Variants in TOX3 observed in about 807,000 individuals in gnomAD.
TOX3 encodes TOX high mobility group box family member 3.
A neutral mutation model predicts 64.3 loss-of-function variants in TOX3; 22 were observed. That is an observed-to-expected ratio of 0.34 (90% CI 0.24 to 0.49). The LOEUF is 0.49. TOX3 is among the 20% of genes least tolerant of loss of function. The pLI is 0.99. For missense variants in TOX3, 661 were observed against 714.4 expected (o/e 0.93, Z 0.85); for synonymous variants, 291 against 273.6 (o/e 1.06, Z -0.63).
At position 52,471,749 on chromosome 16, in the gene TOX3, A is replaced by T. The variant is rs146967197; in HGVS notation, c.88-3175T>A. Among the ~76,000 whole-genome samples the T allele has an allele frequency of 4.6e-3, 701 of 152,252 alleles. 7 individuals carry two copies. Among genetic ancestry groups the T allele is most frequent in the African/African-American group, 0.016 (660 of 41,530 alleles). On this transcript the variant is annotated intron_variant, in intron 1 of 6. Coordinates refer to ENST00000219746, the MANE Select transcript of TOX3 (RefSeq NM_001080430.4). Reference sequence around the variant, plus strand: ...AGGAATAAGTATTTAGCCCAGTGACACCCTCTACATACTTTATTTCATTTA... The same window carrying T: ...AGGAATAAGTATTTAGCCCAGTGACTCCCTCTACATACTTTATTTCATTTA...
intron 1 of TOX3, among the ~76,000 whole-genome samples, chr16:52,472,329 G>A (rs537661171): frequency 6.6e-6 from 1 of 152,308 alleles, no homozygotes; most frequent in African/African-American, 2.4e-5. Context: ...ACAACATGCT[G>A]TGGATCACTT....
At chr16:52,511,980 G>C (rs906107791) in intron 1 of TOX3, among the ~76,000 whole-genome samples, 9 of 152,204 alleles carry the variant, frequency 5.9e-5, no homozygotes, top group African/African-American at 2.2e-4. Flanking sequence ...CTTGGAATCA[G>C]AAATTCCACG....
intron 1 of TOX3, among the ~76,000 whole-genome samples, chr16:52,522,580 T>C (rs1381015449): frequency 2.6e-5 from 4 of 152,294 alleles, no homozygotes; most frequent in Non-Finnish European, 2.9e-5. Flanking sequence ...AGCCCTGTCC[T>C]TCTGCAAACT....
rs932877445 is a variant in TOX3, at chr16:52,487,563, T to C, written c.88-18989A>G. Among the ~76,000 whole-genome samples, 23 of 152,162 alleles carry C rather than the reference T, an allele frequency of 1.5e-4. No individual in the cohort carries two copies. In the East Asian group the frequency reaches 1.5e-3, roughly 10 times the overall value. On this transcript the variant is annotated intron_variant, in intron 1 of 6. Transcript: ENST00000219746. The stretch of plus-strand genomic sequence containing the variant: ...CACGTCATTTAAGTAGGGGAAAGTA[T>C]CTGAATGTGTTCATAAGAAAGTGAC...
intron 3 of TOX3, among the ~76,000 whole-genome samples, chr16:52,451,568 C>T (rs1662592786): frequency 6.6e-6 from 1 of 152,142 alleles, no homozygotes; most frequent in African/African-American, 2.4e-5. Context: ...TCTCTTGACT[C>T]ACAGTGACCC....
intron 1 of TOX3, among the ~76,000 whole-genome samples, chr16:52,520,020 G>A (rs932809356): frequency 7.9e-5 from 12 of 151,262 alleles, no homozygotes; most frequent in African/African-American, 2.9e-4. Flanking sequence ...AGAAATAGTA[G>A]TAGATGAGCT....
rs1389973669 is a variant in TOX3 at position 52,546,949 on chromosome 16, G to C, written c.-226C>G. Reference sequence around the variant, plus strand: ...CGGGAGAGCGGGAGGCGGCCGGGGGGACGCGCCCCGCCGGGGCACCGAGGC... The same window carrying C: ...CGGGAGAGCGGGAGGCGGCCGGGGGCACGCGCCCCGCCGGGGCACCGAGGC... On this transcript the variant is annotated 5_prime_UTR_variant, in exon 1 of 7. Transcript: ENST00000219746. 1 of 988,584 alleles carries C rather than the reference G, an allele frequency of 1.0e-6. No homozygotes were observed. Among genetic ancestry groups the C allele is most frequent in the African/African-American group, 1.8e-5 (1 of 56,580 alleles). 61.2% of individuals were successfully genotyped at this position (988,584 alleles called of 1,614,324 possible).
rs1013094213 is a variant in TOX3, at chr16:52,492,464, TATG to T, written c.88-23893_88-23891del. ...AAAAATGACCAATATTTATATATTA[TATG>T]ATGACCAATTTATATATATAATATA... On this transcript the variant is annotated intron_variant, in intron 1 of 6. Coordinates refer to ENST00000219746, the MANE Select transcript of TOX3 (RefSeq NM_001080430.4). 7.3e-4 allele frequency among the ~76,000 whole-genome samples: 101 copies of T among 138,210 alleles called. 1 individual carries two copies. The highest frequency in any genetic ancestry group is 3.7e-4 in the Non-Finnish European group (24 of 64,918). The allele number at this position is 138,210 out of a possible 152,430, so 90.7% of individuals were successfully genotyped here.
chr16:52,466,630 A>C (rs2151757850), intron 2 of TOX3, among the ~76,000 whole-genome samples: 1 of 152,322 alleles, frequency 6.6e-6, no homozygotes, highest in Non-Finnish European at 1.5e-5. Context: ...TATGCTAAGC[A>C]GTCATAATTA....
At chr16:52,540,247 T>C (rs1449467064) in intron 1 of TOX3, among the ~76,000 whole-genome samples, 3 of 150,710 alleles carry the variant, frequency 2.0e-5, no homozygotes, top group Middle Eastern at 3.2e-3. Context: ...TAGCCAAGCA[T>C]AGCGAACACA....
intron 1 of TOX3, among the ~76,000 whole-genome samples, chr16:52,501,488 A>T (rs113875685): frequency 3.0e-4 from 46 of 152,230 alleles, no homozygotes; most frequent in African/African-American, 1.1e-3. Context: ...CCTGGCCAAC[A>T]TGGTGAAACC....
chr16:52,441,679 A>C (rs1353258649), intron 6 of TOX3, among the ~76,000 whole-genome samples: 1 of 152,176 alleles, frequency 6.6e-6, no homozygotes, highest in African/African-American at 2.4e-5. Flanking sequence ...TATATTTCTA[A>C]ATTTTTATGA....
At chr16:52,510,164 C>T (rs1363059233) in intron 1 of TOX3, among the ~76,000 whole-genome samples, 1 of 146,762 alleles carries the variant, frequency 6.8e-6, no homozygotes. Context: ...AAAAAAAATG[C>T]CACTACTTAC....
At chr16:52,508,961 A>G (rs1000709292) in intron 1 of TOX3, among the ~76,000 whole-genome samples, 1 of 152,228 alleles carries the variant, frequency 6.6e-6, no homozygotes, top group Non-Finnish European at 1.5e-5. Context: ...ATTGTTATTC[A>G]TAAAGTATCT....
chr16:52,486,762 G>T (rs45590033), intron 1 of TOX3, among the ~76,000 whole-genome samples: 1 of 152,100 alleles, frequency 6.6e-6, no homozygotes, highest in East Asian at 1.9e-4. Flanking sequence ...TGAGACCCCT[G>T]TCTTTACAAA....
At chr16:52,446,745 A>G (rs532059998) in intron 4 of TOX3, among the ~76,000 whole-genome samples, 1 of 152,156 alleles carries the variant, frequency 6.6e-6, no homozygotes, top group Non-Finnish European at 1.5e-5. Flanking sequence ...CTCTCCAGAA[A>G]TTCAAATGGA....
chr16:52,463,790 C>T (rs373506119), intron 3 of TOX3, 144 bp downstream of exon 3: 11 of 979,794 alleles, frequency 1.1e-5, no homozygotes, highest in African/African-American at 1.7e-5. Context: ...TACCAGGCAG[C>T]GATCCAGTAC....
At chr16:52,468,002 T>C (rs1365623964) in intron 2 of TOX3, among the ~76,000 whole-genome samples, 1 of 152,176 alleles carries the variant, frequency 6.6e-6, no homozygotes. Context: ...GCTGTGGGGA[T>C]CTAGCAACAA....
At chr16:52,493,225 A>G (rs765917258) in intron 1 of TOX3, among the ~76,000 whole-genome samples, 1 of 152,190 alleles carries the variant, frequency 6.6e-6, no homozygotes, top group African/African-American at 2.4e-5. Context: ...TGAGAAAGAC[A>G]TGTAAGGTAA....
Sources: allele counts gnomAD v4.1 joint callset (sites outside exome capture counted in the v4.1 genomes callset), GRCh38; gene constraint gnomAD v4.1.1; transcripts MANE v1.5; gene names NCBI Gene and HGNC (gene_info 2026-07-23, HGNC 2026-07-21).